The following HTR1F variants were observed in gnomAD, a reference collection of about 807,000 sequenced individuals.
The protein encoded by HTR1F is 5-hydroxytryptamine (serotonin) receptor 1F, G protein-coupled.
A neutral mutation model predicts 24.0 loss-of-function variants in HTR1F; 17 were observed. The observed-to-expected ratio is 0.71, with a 90% CI of 0.48 to 1.06. The LOEUF is 1.06. HTR1F is among the 50% of genes least tolerant of loss of function. HTR1F has a pLI of 0.00. For missense variants in HTR1F, 391 were observed against 427.8 expected (o/e 0.91, Z 0.76); for synonymous variants, 186 against 156.8 (o/e 1.19, Z -1.39).
At chr3:87,919,663 A>G (rs1703969291) in intron 2 of HTR1F, among the ~76,000 whole-genome samples, 1 of 152,162 alleles carries the variant, frequency 6.6e-6, no homozygotes, top group African/African-American at 2.4e-5. Flanking sequence ...TCAAACCACG[A>G]TATGATACCA....
intron 2 of HTR1F, among the ~76,000 whole-genome samples, chr3:87,880,315 T>C (rs1267306612): frequency 7.2e-5 from 11 of 152,308 alleles, no homozygotes; most frequent in South Asian, 2.1e-4. Flanking sequence ...ATGTAATTCA[T>C]TGTACATAGA....
At chr3:87,833,203 G>GT (rs902132049) in intron 2 of HTR1F, among the ~76,000 whole-genome samples, 107 of 152,152 alleles carry the variant, frequency 7.0e-4, no homozygotes, top group Non-Finnish European at 4.9e-4. Context: ...TTTGGGAGGT[G>GT]TTTCTAGATA....
In HTR1F at chr3:87,800,730, G is replaced by A. The variant is rs143224465; in HGVS notation, c.-160+7888G>A. The stretch of plus-strand genomic sequence containing the variant: ...TTAAGAGCAACTGTAAACAAGCCAT[G>A]TTATGTAATACTTTACAACTACCCT... On this transcript the variant is annotated intron_variant, in intron 1 of 2. Coordinates refer to ENST00000319595, the MANE Select transcript of HTR1F (RefSeq NM_001322209.2). Among the ~76,000 whole-genome samples the A allele has an allele frequency of 6.2e-3, 947 of 152,268 alleles. 9 individuals are homozygous for A. The highest frequency in any genetic ancestry group is 0.01 in the Middle Eastern group (3 of 294).
At chr3:87,930,750 A>G (rs1299083527) in intron 2 of HTR1F, among the ~76,000 whole-genome samples, 4 of 152,098 alleles carry the variant, frequency 2.6e-5, no homozygotes, top group African/African-American at 9.7e-5. Context: ...AATCAATCAT[A>G]TATGTAAAAT....
At chr3:87,851,785 A>C (rs1340501804) in intron 2 of HTR1F, among the ~76,000 whole-genome samples, 2 of 151,542 alleles carry the variant, frequency 1.3e-5, no homozygotes, top group East Asian at 1.9e-4. Flanking sequence ...GTATTTTTTG[A>C]AATAAAGTAG....
chr3:87,888,364 T>A (rs534638707), intron 2 of HTR1F, among the ~76,000 whole-genome samples: 2 of 152,220 alleles, frequency 1.3e-5, no homozygotes, highest in South Asian at 2.1e-4. Context: ...AAATATCTAA[T>A]GTAAATGACT....
chr3:87,798,242 A>C (rs986295178), intron 1 of HTR1F, among the ~76,000 whole-genome samples: 1 of 152,016 alleles, frequency 6.6e-6, no homozygotes, highest in Non-Finnish European at 1.5e-5. Flanking sequence ...CCGGGACTTC[A>C]GAGGTTCTCA....
intron 1 of HTR1F, among the ~76,000 whole-genome samples, chr3:87,819,287 C>T (rs1334048184): frequency 6.6e-6 from 1 of 152,044 alleles, no homozygotes; most frequent in Non-Finnish European, 1.5e-5. Context: ...CAACCAGACA[C>T]ACATATGGGC....
At chr3:87,936,759 C>T (rs186409392) in intron 2 of HTR1F, among the ~76,000 whole-genome samples, 1 of 152,232 alleles carries the variant, frequency 6.6e-6, no homozygotes, top group Non-Finnish European at 1.5e-5. Flanking sequence ...AGCCAGAGCT[C>T]TTAGTAGCAA....
intron 1 of HTR1F, among the ~76,000 whole-genome samples, chr3:87,794,848 G>T (rs1282139561): frequency 6.6e-6 from 1 of 151,934 alleles, no homozygotes; most frequent in East Asian, 1.9e-4. Flanking sequence ...TAGTTATATT[G>T]TTTTTATTGT....
chr3:87,986,062 C>G (rs1705655417), intron 2 of HTR1F, among the ~76,000 whole-genome samples: 1 of 152,146 alleles, frequency 6.6e-6, no homozygotes, highest in Non-Finnish European at 1.5e-5. Flanking sequence ...CCAGTGAAGA[C>G]ATTCAAATAC....
rs2107293789 is a variant in HTR1F at position 87,886,309 on chromosome 3, C to G, written c.-43+64185C>G. ...TCAACAGCCCTTCCTGCTAAAAACT[C>G]TCAATAAACTAGGTATTGATGGAAC... On this transcript the variant is annotated intron_variant, in intron 2 of 2. Transcript: ENST00000319595. 1.3e-5 allele frequency among the ~76,000 whole-genome samples: 2 copies of G among 152,252 alleles called. 1 individual carries two copies. The highest frequency in any genetic ancestry group is 1.3e-4 in the Admixed American group (2 of 15,294).
At chr3:87,982,696 A>C (rs1705572497) in intron 2 of HTR1F, among the ~76,000 whole-genome samples, 1 of 152,132 alleles carries the variant, frequency 6.6e-6, no homozygotes, top group South Asian at 2.1e-4. Flanking sequence ...GTGAAGGTAA[A>C]TTTCTAACCC....
intron 2 of HTR1F, among the ~76,000 whole-genome samples, chr3:87,860,879 C>T (rs772230415): frequency 6.6e-6 from 1 of 152,088 alleles, no homozygotes; most frequent in Non-Finnish European, 1.5e-5. Flanking sequence ...AACAACAGGC[C>T]AGGTGCAGTG....
intron 2 of HTR1F, among the ~76,000 whole-genome samples, chr3:87,884,229 T>A (rs1419390312): frequency 6.6e-6 from 1 of 152,210 alleles, no homozygotes; most frequent in Non-Finnish European, 1.5e-5. Context: ...CAGAATTTTA[T>A]ACCCAGCCAA....
chr3:87,916,097 C>G (rs1412070355), intron 2 of HTR1F, among the ~76,000 whole-genome samples: 4 of 151,938 alleles, frequency 2.6e-5, no homozygotes, highest in Non-Finnish European at 5.9e-5. Context: ...AATTTGTATC[C>G]AGCTAAACTA....
Position 87,993,083 on chromosome 3 carries a change from C to T in HTR1F, c.*1233C>T, listed in dbSNP as rs1192595214. 2 of 166,868 alleles carry T rather than the reference C, an allele frequency of 1.2e-5. No individual in the cohort carries two copies. The highest frequency in any genetic ancestry group is 4.8e-5 in the African/African-American group (2 of 41,394). 10.3% of individuals were successfully genotyped at this position (166,868 alleles called of 1,614,324 possible). Reference sequence around the variant, plus strand: ...TGAGAGGATTTTATTTTATTTGAACCAGCAAGGTCATAGACTACCTTTGGG... The same window carrying T: ...TGAGAGGATTTTATTTTATTTGAACTAGCAAGGTCATAGACTACCTTTGGG... On this transcript the variant is annotated 3_prime_UTR_variant, in exon 3 of 3. Transcript: ENST00000319595.
intron 2 of HTR1F, among the ~76,000 whole-genome samples, chr3:87,837,807 A>G (rs1473715423): frequency 6.6e-6 from 1 of 152,086 alleles, no homozygotes; most frequent in Admixed American, 6.6e-5. Flanking sequence ...ATTAAGTGGC[A>G]TTGAATGTAT....
chr3:87,956,900 A>G (rs547584293), intron 2 of HTR1F, among the ~76,000 whole-genome samples: 15 of 151,324 alleles, frequency 9.9e-5, no homozygotes, highest in Non-Finnish European at 2.1e-4. Context: ...AAATAGATTC[A>G]TCATTTCCAA....
Sources: gnomAD v4.1 joint callset for allele counts (sites outside exome capture counted in the v4.1 genomes callset) on GRCh38, gnomAD v4.1.1 for gene constraint, MANE v1.5 for transcripts, NCBI Gene and HGNC (gene_info 2026-07-23, HGNC 2026-07-21) for gene names.